The following IPO8 variants were observed in gnomAD, a reference collection of about 807,000 sequenced individuals.
The protein encoded by IPO8 is importin-8.
In IPO8, 65 loss-of-function variants were observed where a neutral mutation model predicts 141.2. The ratio of observed to expected loss-of-function variants is 0.46; its 90% confidence interval spans 0.38 to 0.57. IPO8 has a LOEUF of 0.57. Among genes scored for constraint, IPO8 ranks in the 20% least tolerant of loss-of-function variants. IPO8 has a pLI of 0.00. For missense variants in IPO8, 980 were observed against 1,246.8 expected (o/e 0.79, Z 3.22); for synonymous variants, 411 against 420.3 (o/e 0.98, Z 0.27).
intron 18 of IPO8, 86 bp from the exon 19 acceptor site, chr12:30,652,375 C>G: frequency 1.3e-6 from 1 of 775,898 alleles, no homozygotes; most frequent in Non-Finnish European, 2.2e-6. Flanking sequence ...TCTGTAGCAC[C>G]CACACATTAG....
At chr12:30,677,112 A>G in intron 5 of IPO8, 1 of 1,494,224 alleles carries the variant, frequency 6.7e-7, no homozygotes. Flanking sequence ...AAAACATGCT[A>G]CATGCTACAG....
intron 1 of IPO8, among the ~76,000 whole-genome samples, chr12:30,693,231 C>T (rs1407192565): frequency 6.6e-6 from 1 of 152,158 alleles, no homozygotes; most frequent in African/African-American, 2.4e-5. Flanking sequence ...GACTTCTGGT[C>T]TATAGAAAAT....
At position 30,664,312 on chromosome 12, in the gene IPO8, G is replaced by A. The variant is rs559161318; in HGVS notation, c.1429-658C>T. 3.9e-5 allele frequency among the ~76,000 whole-genome samples: 6 copies of A among 152,202 alleles called. No individual in the cohort carries two copies. In the East Asian group the frequency reaches 5.8e-4, roughly 15 times the overall value. On this transcript the variant is annotated intron_variant, in intron 13 of 24. Transcript: ENST00000256079. ...TAGTCCACATTTGCCCAGATATTGC[G>A]CTAGTAACTATTATTTTATAAAATG...
intron 17 of IPO8, among the ~76,000 whole-genome samples, chr12:30,653,970 A>G (rs1176100257): frequency 1.3e-5 from 2 of 152,076 alleles, no homozygotes; most frequent in African/African-American, 4.8e-5. Context: ...TGGAATTTCT[A>G]AAAGTTCTAG....
At chr12:30,655,636 A>G (rs924287135) in intron 17 of IPO8, among the ~76,000 whole-genome samples, 1 of 152,194 alleles carries the variant, frequency 6.6e-6, no homozygotes, top group Admixed American at 6.5e-5. Context: ...TTCACTTAGC[A>G]TAATGTACTC....
At chr12:30,685,712 G>A (rs766162583) in intron 2 of IPO8, among the ~76,000 whole-genome samples, 20 of 151,236 alleles carry the variant, frequency 1.3e-4, no homozygotes, top group Non-Finnish European at 2.2e-4. Flanking sequence ...ATCACCTGAG[G>A]TCAGGAGTTC....
chr12:30,669,353 G>A (rs964113625), intron 9 of IPO8, 71 bp from the exon 10 acceptor site: 1 of 663,482 alleles, frequency 1.5e-6, no homozygotes, highest in Non-Finnish European at 2.6e-6. Context: ...TACTAATAAT[G>A]TACTTGTTGA....
intron 22 of IPO8, among the ~76,000 whole-genome samples, chr12:30,636,515 T>A (rs939771397): frequency 2.0e-5 from 3 of 152,118 alleles, no homozygotes. Context: ...TCAAATGTAA[T>A]TTTTGCTAAT....
At chr12:30,679,207 G>GT (rs2053160109) in intron 5 of IPO8, among the ~76,000 whole-genome samples, 2 of 152,112 alleles carry the variant, frequency 1.3e-5, no homozygotes, top group South Asian at 4.1e-4. Context: ...TGTCAGCATT[G>GT]TAATAGTGGC....
chr12:30,692,060 C>G, intron 1 of IPO8, among the ~76,000 whole-genome samples: 1 of 152,112 alleles, frequency 6.6e-6, no homozygotes, highest in Non-Finnish European at 1.5e-5. Flanking sequence ...ATTCACCCAG[C>G]CTTCACCTTC....
chr12:30,662,672 GAGTAA>G (rs1379432613), intron 14 of IPO8, 185 bp from the exon 15 acceptor site: 18 of 616,618 alleles, frequency 2.9e-5, no homozygotes, highest in Non-Finnish European at 4.6e-5. Flanking sequence ...AGTTTCCCAA[GAGTAA>G]TATAAGGATA....
intron 20 of IPO8, among the ~76,000 whole-genome samples, chr12:30,640,517 C>T (rs1249071779): frequency 6.6e-6 from 1 of 152,106 alleles, no homozygotes; most frequent in Non-Finnish European, 1.5e-5. Context: ...AAATACATGA[C>T]TACACATACT....
At chr12:30,649,268 C>T in intron 19 of IPO8, 36 bp from the exon 20 acceptor site, 1 of 1,445,182 alleles carries the variant, frequency 6.9e-7, no homozygotes, top group Non-Finnish European at 9.7e-7. Context: ...CAGTAAGTGG[C>T]ACTGCATAGA....
intron 5 of IPO8, among the ~76,000 whole-genome samples, chr12:30,680,097 A>G (rs563544461): frequency 3.7e-4 from 56 of 150,252 alleles, no homozygotes; most frequent in African/African-American, 1.2e-3. Context: ...CCAATAGAAG[A>G]GGGACTCCCT....
rs374204359 is a variant in IPO8, at chr12:30,641,387, G to A, written c.2269-1652C>T. Among the ~76,000 whole-genome samples the A allele has an allele frequency of 3.3e-5, 5 of 152,122 alleles. No individual in the cohort carries two copies. The East Asian group carries it at 9.7e-4, about 29-fold the overall frequency. On this transcript the variant is annotated intron_variant, in intron 20 of 24. Transcript: ENST00000256079. ...ATGGAGAAGAAGAAGAAGGGTAGAG[G>A]GATAGGGTGGAAGCTGGACTTCTCT...
intron 20 of IPO8, among the ~76,000 whole-genome samples, chr12:30,643,046 TGGTAAATAAA>T (rs2052595758): frequency 1.3e-5 from 2 of 152,184 alleles, no homozygotes; most frequent in South Asian, 4.1e-4. Context: ...TCTTGAATAA[TGGTAAATAAA>T]GGGAAATACT....
At chr12:30,633,567 T>C (rs1457697835) in intron 23 of IPO8, among the ~76,000 whole-genome samples, 1 of 152,188 alleles carries the variant, frequency 6.6e-6, no homozygotes, top group Non-Finnish European at 1.5e-5. Flanking sequence ...GTGGCAAATA[T>C]TTTCTCCCCC....
intron 2 of IPO8, among the ~76,000 whole-genome samples, chr12:30,685,332 T>G (rs1363021020): frequency 8.6e-5 from 13 of 151,860 alleles, no homozygotes; most frequent in Admixed American, 7.9e-4. Context: ...TTAGACAAGA[T>G]TTCACCATGT....
chr12:30,695,661 G>A lies in IPO8; in HGVS notation c.-14C>T. ...GTTGAGGTCCATCTCCCCGGGTGGG[G>A]GCTCCGCGGCCCCCGGAACAGTAGG... is the stretch of plus-strand genomic sequence containing the variant. On this transcript the variant is annotated 5_prime_UTR_variant, in exon 1 of 25. Transcript: ENST00000256079. The surrounding 1 kb of genome is among the most constrained non-coding windows in gnomAD (Gnocchi z 4.2). 2 of 1,612,394 alleles carry A rather than the reference G, an allele frequency of 1.2e-6. No homozygotes were observed. The highest frequency in any genetic ancestry group is 1.7e-4 in the Middle Eastern group (1 of 6,052).
Sources: gnomAD v4.1 joint callset for allele counts (sites outside exome capture counted in the v4.1 genomes callset) on GRCh38, gnomAD v4.1.1 for gene constraint, Gnocchi (gnomAD v3.1) non-coding constraint, MANE v1.5 for transcripts, NCBI Gene and HGNC (gene_info 2026-07-23, HGNC 2026-07-21) for gene names.